Variants in PCBP3 observed in about 807,000 individuals in gnomAD.
PCBP3 encodes poly(rC)-binding protein 3.
In PCBP3, 25 loss-of-function variants were observed where a neutral mutation model predicts 52.7. The ratio of observed to expected loss-of-function variants is 0.47; its 90% CI spans 0.35 to 0.66. PCBP3 has a LOEUF of 0.66. Ranked by LOEUF, PCBP3 falls within the 30% of genes least tolerant of loss-of-function variation. PCBP3 has a pLI of 0.01. For synonymous variants in PCBP3, 162 were observed against 183.0 expected, an observed-to-expected ratio of 0.89 and a Z score of 0.93; for missense variants, 391 against 490.3, an observed-to-expected ratio of 0.80 and a Z score of 1.91.
chr21:45,800,102 T>C lies in PCBP3; in HGVS notation c.-126+44650T>C, dbSNP rs2092234817. 6.6e-6 allele frequency among the ~76,000 whole-genome samples: 1 copy of C among 152,174 alleles called. No individual in the cohort carries two copies. The highest frequency in any genetic ancestry group is 1.9e-4 in the East Asian group (1 of 5,166). ...TGTTCTCTCTTCATGAATCATGGCC[T>C]GGCTTCCGTGCAGCTGCCTTTTTGG... On this transcript the variant is annotated intron_variant, in intron 4 of 17. Transcript: ENST00000681687. The surrounding 1 kb of genome is among the most constrained non-coding windows in gnomAD (Gnocchi z 5.3).
intron 1 of PCBP3, among the ~76,000 whole-genome samples, chr21:45,660,440 T>C (rs1220245553): frequency 3.9e-5 from 6 of 152,202 alleles, no homozygotes; most frequent in Admixed American, 1.3e-4. Context: ...TATTGGAATG[T>C]TTAATCCATT....
At chr21:45,850,195 A>G in intron 5 of PCBP3, 100 bp downstream of exon 5, 7 of 954,938 alleles carry the variant, frequency 7.3e-6, no homozygotes, top group Non-Finnish European at 1.2e-5. Context: ...TTGAAGTGAC[A>G]CAGTGCTGTA....
At chr21:45,675,657 A>G (rs1225675127) in intron 2 of PCBP3, among the ~76,000 whole-genome samples, 1 of 152,174 alleles carries the variant, frequency 6.6e-6, no homozygotes, top group African/African-American at 2.4e-5. Flanking sequence ...TAGCAACCAC[A>G]GTAAGCCTGT....
rs538879810 is a variant in PCBP3 at position 45,931,662 on chromosome 21, G to A, written c.856+817G>A. ...CTGTCCTGAGATGAGTGAACACGTC[G>A]GCCATGCCGTCCTGAGATGAACAAA... On this transcript the variant is annotated intron_variant, in intron 15 of 17. Transcript: ENST00000681687. Among the ~76,000 whole-genome samples, 129 of 152,272 alleles carry A rather than the reference G, an allele frequency of 8.5e-4. 1 individual carries two copies. The highest frequency in any genetic ancestry group is 1.4e-3 in the Non-Finnish European group (95 of 68,028).
Position 45,666,773 on chromosome 21 carries a change from A to G in PCBP3, c.-278-2101A>G, listed in dbSNP as rs1196448614. Among the ~76,000 whole-genome samples, 9 of 150,352 alleles carry G rather than the reference A, an allele frequency of 6.0e-5. No homozygotes were observed. In the South Asian group the frequency reaches 1.9e-3, roughly 32 times the overall value. On this transcript the variant is annotated intron_variant, in intron 1 of 17. Transcript: ENST00000681687. ...AGATGGGGTCTTGCTCTGTCTCCAG[A>G]CTGGTGTGTAATAGCGCGATCTCAG...
At chr21:45,889,723 T>G (rs1488808621) in intron 5 of PCBP3, among the ~76,000 whole-genome samples, 3 of 152,220 alleles carry the variant, frequency 2.0e-5, no homozygotes, top group Non-Finnish European at 4.4e-5. Context: ...TTGCGGTGGC[T>G]ACAGATGTTT....
At chr21:45,770,403 A>G (rs930889103) in intron 4 of PCBP3, among the ~76,000 whole-genome samples, 7 of 152,190 alleles carry the variant, frequency 4.6e-5, no homozygotes, top group Admixed American at 1.3e-4. Flanking sequence ...CTGAAAGCAC[A>G]TAGCAGGCCA....
At position 45,736,401 on chromosome 21, in the gene PCBP3, C is replaced by T. The variant is rs1024366340; in HGVS notation, c.-162+972C>T. ...CGGAGCTCCCAGTGTGTCTTGCCTTCCTGGTGTGCTTGATGGCAGCCCTGG... is the reference window on the plus strand; with the variant it reads ...CGGAGCTCCCAGTGTGTCTTGCCTTTCTGGTGTGCTTGATGGCAGCCCTGG... On this transcript the variant is annotated intron_variant, in intron 3 of 17. Coordinates refer to ENST00000681687, the MANE Select transcript of PCBP3 (RefSeq NM_001384156.1). The surrounding 1 kb of genome is among the most constrained non-coding windows in gnomAD (Gnocchi z 4.6). 2.6e-5 allele frequency among the ~76,000 whole-genome samples: 4 copies of T among 152,178 alleles called. No individual in the cohort carries two copies. The highest frequency in any genetic ancestry group is 9.7e-5 in the African/African-American group (4 of 41,448).
intron 9 of PCBP3, among the ~76,000 whole-genome samples, chr21:45,907,299 C>T (rs2096235602): frequency 6.6e-6 from 1 of 152,222 alleles, no homozygotes; most frequent in Admixed American, 6.5e-5. Flanking sequence ...CTGCCAGTGG[C>T]TGTCATTCAG....
chr21:45,677,546 T>C (rs1798239822), intron 2 of PCBP3, among the ~76,000 whole-genome samples: 1 of 152,236 alleles, frequency 6.6e-6, no homozygotes, highest in African/African-American at 2.4e-5. Flanking sequence ...GTAGCTACAC[T>C]AAGGAACAGA....
At chr21:45,771,666 G>A (rs966296723) in intron 4 of PCBP3, among the ~76,000 whole-genome samples, 2 of 152,124 alleles carry the variant, frequency 1.3e-5, no homozygotes, top group African/African-American at 4.8e-5. Flanking sequence ...ATTTGATGGC[G>A]CAAGACTGAA....
chr21:45,909,616 C>T (rs1195746347), intron 10 of PCBP3, 130 bp downstream of exon 10: 2 of 837,796 alleles, frequency 2.4e-6, no homozygotes, highest in Non-Finnish European at 3.7e-6. Flanking sequence ...CACGCAGACC[C>T]CACAGCTCAA....
At chr21:45,855,501 A>G (rs923269585) in intron 5 of PCBP3, among the ~76,000 whole-genome samples, 2 of 152,230 alleles carry the variant, frequency 1.3e-5, no homozygotes, top group Admixed American at 1.3e-4. Context: ...AGAGCCCTGC[A>G]AAGACCGAAA....
intron 4 of PCBP3, among the ~76,000 whole-genome samples, chr21:45,806,770 C>T (rs889034041): frequency 1.3e-5 from 2 of 152,060 alleles, no homozygotes; most frequent in African/African-American, 4.8e-5. Flanking sequence ...GGCCAAGGAG[C>T]AGCCTGCATT....
Position 45,716,817 on chromosome 21 carries a change from C to G in PCBP3, c.-199-18575C>G, listed in dbSNP as rs181560412. On this transcript the variant is annotated intron_variant, in intron 2 of 17. Transcript: ENST00000681687. ...ATGTGAGTCTTCTGACTTTGTTTTT[C>G]TTTTTTAAGATTGTTTTGGCTATTC... 3.3e-5 allele frequency among the ~76,000 whole-genome samples: 5 copies of G among 152,078 alleles called. No individual in the cohort carries two copies. The East Asian group carries it at 9.7e-4, about 29-fold the overall frequency.
intron 4 of PCBP3, among the ~76,000 whole-genome samples, chr21:45,819,678 A>G (rs1442659537): frequency 1.3e-5 from 2 of 152,210 alleles, no homozygotes; most frequent in African/African-American, 4.8e-5. Flanking sequence ...TGAGGTGGGG[A>G]AGGCTCCTGG....
chr21:45,658,865 T>G (rs1041307628), intron 1 of PCBP3, among the ~76,000 whole-genome samples: 15 of 152,166 alleles, frequency 9.9e-5, no homozygotes, highest in African/African-American at 3.6e-4. Context: ...TTTTTTCAGA[T>G]GTACTGTTTT....
rs1478622163 is a variant in PCBP3 at position 45,830,518 on chromosome 21, G to C, written c.-125-19443G>C. Reference sequence around the variant, plus strand: ...CACTGACGCGGGAGCCCTGCTGTGGGGGGTGTGTGCGCATGCTCAGCACAG... The same window carrying C: ...CACTGACGCGGGAGCCCTGCTGTGGCGGGTGTGTGCGCATGCTCAGCACAG... On this transcript the variant is annotated intron_variant, in intron 4 of 17. Coordinates refer to ENST00000681687, the MANE Select transcript of PCBP3 (RefSeq NM_001384156.1). This position sits in a 1 kb window ranked among gnomAD's most constrained non-coding sequence, Gnocchi z 4.4. 2 of 152,498 alleles carry C rather than the reference G, an allele frequency of 1.3e-5. No homozygotes were observed. Among genetic ancestry groups the C allele is most frequent in the Non-Finnish European group, 2.9e-5 (2 of 68,126 alleles). 9.4% of individuals were successfully genotyped at this position (152,498 alleles called of 1,614,324 possible). A position where few individuals can be genotyped will look rare whatever the true frequency, so the allele number is the denominator to read the frequency against.
intron 4 of PCBP3, among the ~76,000 whole-genome samples, chr21:45,810,247 A>T (rs4818800): frequency 0.71 from 103,379 of 145,588 alleles, 37,031 homozygotes; most frequent in African/African-American, 0.9. Flanking sequence ...TGTGTGTGTG[A>T]GAGAGTGTGT....
Sources: allele counts gnomAD v4.1 joint callset (sites outside exome capture counted in the v4.1 genomes callset), GRCh38; gene constraint gnomAD v4.1.1; non-coding constraint Gnocchi (gnomAD v3.1); transcripts MANE v1.5; gene names NCBI Gene and HGNC (gene_info 2026-07-23, HGNC 2026-07-21).